CSMD1: variants seen among roughly 807,000 people sequenced by gnomAD.
CSMD1 encodes the protein CUB and sushi domain-containing protein 1.
Under a neutral mutation model 417.5 loss-of-function variants are expected in CSMD1, and 213 were observed. The ratio of observed to expected loss-of-function variants is 0.51; its 90% CI spans 0.46 to 0.57. The LOEUF is 0.57. Among genes scored for constraint, CSMD1 ranks in the 20% least tolerant of loss-of-function variants. The pLI, the probability that CSMD1 is intolerant of heterozygous loss-of-function variation, is 0.00. For missense variants in CSMD1, 6,923 were observed against 4,529.7 expected, an observed-to-expected ratio of 1.53 and a Z score of -15.17; for synonymous variants, 2,862 against 1,736.8, an observed-to-expected ratio of 1.65 and a Z score of -16.11.
intron 3 of CSMD1, among the ~76,000 whole-genome samples, chr8:4,191,404 C>CA (rs1351592935): frequency 1.3e-5 from 2 of 149,158 alleles, no homozygotes; most frequent in Admixed American, 1.3e-4. Flanking sequence ...TCAGAAAAAA[C>CA]AAAAAACAAA....
intron 37 of CSMD1, among the ~76,000 whole-genome samples, chr8:3,163,068 A>T (rs1819994370): frequency 6.6e-6 from 1 of 152,246 alleles, no homozygotes; most frequent in Non-Finnish European, 1.5e-5. Context: ...AAAAGGTACA[A>T]ACTTTCCATT....
chr8:4,013,914 G>C (rs1371572491), intron 4 of CSMD1, among the ~76,000 whole-genome samples: 2 of 152,042 alleles, frequency 1.3e-5, no homozygotes, highest in South Asian at 2.1e-4. Context: ...TCTGGCCTTT[G>C]ACAAAAAATG....
intron 5 of CSMD1, among the ~76,000 whole-genome samples, chr8:3,780,413 T>C (rs1269723931): frequency 2.0e-5 from 3 of 152,196 alleles, no homozygotes; most frequent in Admixed American, 6.5e-5. Flanking sequence ...GCACACATTA[T>C]CAACACTGCT....
chr8:3,122,536 C>T (rs965151256), intron 41 of CSMD1, among the ~76,000 whole-genome samples: 4 of 152,108 alleles, frequency 2.6e-5, no homozygotes, highest in Non-Finnish European at 4.4e-5. Context: ...ATTGTATCTC[C>T]CAGAATTCCC....
chr8:3,187,132 C>A (rs143787269), intron 36 of CSMD1, among the ~76,000 whole-genome samples: 25 of 152,300 alleles, frequency 1.6e-4, no homozygotes, highest in Admixed American at 4.6e-4. Flanking sequence ...ACTGTGAGGA[C>A]AGTGATGACC....
chr8:4,001,715 G>A (rs567918629), intron 4 of CSMD1, among the ~76,000 whole-genome samples: 12 of 152,154 alleles, frequency 7.9e-5, no homozygotes, highest in Admixed American at 1.3e-4. Context: ...GAGACCCATA[G>A]TTCACTGGGC....
intron 26 of CSMD1, among the ~76,000 whole-genome samples, chr8:3,256,022 C>T (rs1468554234): frequency 1.3e-5 from 2 of 152,114 alleles, no homozygotes; most frequent in African/African-American, 2.4e-5. Flanking sequence ...TCCAAGTACA[C>T]ATTTTTATAG....
At chr8:4,161,216 C>G (rs996927654) in intron 3 of CSMD1, among the ~76,000 whole-genome samples, 1 of 151,832 alleles carries the variant, frequency 6.6e-6, no homozygotes, top group Non-Finnish European at 1.5e-5. Flanking sequence ...ATTCCATGAA[C>G]AACCCTCTAA....
At chr8:3,549,586 T>C (rs140107846) in intron 10 of CSMD1, among the ~76,000 whole-genome samples, 56 of 152,346 alleles carry the variant, frequency 3.7e-4, no homozygotes, top group African/African-American at 1.3e-3. Flanking sequence ...AATGAATTAC[T>C]GGATTATTGT....
intron 5 of CSMD1, among the ~76,000 whole-genome samples, chr8:3,977,415 G>C (rs1263024620): frequency 6.6e-6 from 1 of 152,014 alleles, no homozygotes; most frequent in South Asian, 2.1e-4. Context: ...TGTTTTTGTT[G>C]TTGTTCCTGT....
At position 3,307,819 on chromosome 8, in the gene CSMD1, C is replaced by G. The variant is rs534926586; in HGVS notation, c.3826G>C (p.Glu1276Gln). 5 of 1,611,860 alleles carry G rather than the reference C, an allele frequency of 3.1e-6. No homozygotes were observed. The highest frequency in any genetic ancestry group is 2.2e-5 in the East Asian group (1 of 44,844). The change falls in exon 25 of 70, where the codon GAA (glutamate) becomes CAA (glutamine). Residue 1276 changes from glutamate to glutamine, a missense_variant and splice_region_variant. Glu to Gln is a conservative substitution (Grantham distance 29). Coordinates refer to ENST00000635120, the MANE Select transcript of CSMD1 (RefSeq NM_033225.6). Reference sequence around the variant, plus strand: ...GCTGCATGGATCTGACCACCACATTCCGCTGTAGAAGACACAGAGAGATGG... The same window carrying G: ...GCTGCATGGATCTGACCACCACATTGCGCTGTAGAAGACACAGAGAGATGG... ...WDKPLPSCIA[E>Q]CGGQIHAATS... is the part of the protein sequence containing the mutation.
chr8:4,013,128 C>T (rs1042823470), intron 4 of CSMD1, among the ~76,000 whole-genome samples: 1 of 151,984 alleles, frequency 6.6e-6, no homozygotes, highest in Non-Finnish European at 1.5e-5. Flanking sequence ...CTTCTCGTAT[C>T]CCCCCATTGT....
chr8:4,319,724 A>G (rs559836954), intron 3 of CSMD1, among the ~76,000 whole-genome samples: 1 of 152,186 alleles, frequency 6.6e-6, no homozygotes, highest in Admixed American at 6.5e-5. Flanking sequence ...TTAGAGGAAA[A>G]AGAACTGAGA....
At chr8:3,486,528 G>A (rs1355235010) in intron 11 of CSMD1, among the ~76,000 whole-genome samples, 1 of 152,100 alleles carries the variant, frequency 6.6e-6, no homozygotes, top group African/African-American at 2.4e-5. Context: ...TGCATTTTTT[G>A]GCTCCTCAGA....
At chr8:3,900,458 T>C (rs1323082955) in intron 5 of CSMD1, among the ~76,000 whole-genome samples, 1 of 150,448 alleles carries the variant, frequency 6.6e-6, no homozygotes, top group Admixed American at 6.6e-5. Context: ...TGCATAACAG[T>C]GCAGCTGGGT....
intron 5 of CSMD1, among the ~76,000 whole-genome samples, chr8:3,907,973 T>G (rs1043593090): frequency 6.6e-6 from 1 of 152,138 alleles, no homozygotes; most frequent in Non-Finnish European, 1.5e-5. Flanking sequence ...GGTAATTTGC[T>G]GGGGCCAGAA....
chr8:3,811,793 C>G (rs918499960), intron 5 of CSMD1, among the ~76,000 whole-genome samples: 2 of 152,156 alleles, frequency 1.3e-5, no homozygotes, highest in Admixed American at 1.3e-4. Flanking sequence ...AGAATCAGTG[C>G]TATGTCTACA....
intron 6 of CSMD1, among the ~76,000 whole-genome samples, chr8:3,723,117 G>T (rs1281628647): frequency 6.6e-6 from 1 of 152,130 alleles, no homozygotes; most frequent in Non-Finnish European, 1.5e-5. Context: ...GGTTATTGGT[G>T]AAGTCCAATT....
chr8:3,042,025 C>T (rs770075639), intron 50 of CSMD1, among the ~76,000 whole-genome samples: 3 of 152,164 alleles, frequency 2.0e-5, no homozygotes, highest in Non-Finnish European at 2.9e-5. Context: ...CAACTTTGTG[C>T]GGGCTCCCAT....
Sources: allele counts gnomAD v4.1 joint callset (sites outside exome capture counted in the v4.1 genomes callset), GRCh38; gene constraint gnomAD v4.1.1; transcripts MANE v1.5; gene names NCBI Gene and HGNC (gene_info 2026-07-23, HGNC 2026-07-21).